PTPN2: variants seen among roughly 807,000 people sequenced by gnomAD.
PTPN2 encodes protein tyrosine phosphatase non-receptor type 2, also known as tyrosine-protein phosphatase non-receptor type 2.
In PTPN2, 19 loss-of-function variants were observed where a neutral mutation model predicts 57.3. The ratio of observed to expected loss-of-function variants is 0.33; its 90% CI spans 0.23 to 0.49. PTPN2 has a LOEUF of 0.49. PTPN2 is among the 20% of genes least tolerant of loss of function. The pLI is 0.99. For missense variants in PTPN2, 358 were observed against 501.1 expected, an observed-to-expected ratio of 0.71 and a Z score of 2.73; for synonymous variants, 153 against 164.9, an observed-to-expected ratio of 0.93 and a Z score of 0.55.
At position 12,793,663 on chromosome 18, in the gene PTPN2, G is replaced by A. The variant is rs1251632219; in HGVS notation, c.*615C>T. 1.0e-6 allele frequency: 1 copy of A among 983,744 alleles called. No homozygotes were observed. The highest frequency in any genetic ancestry group is 1.2e-6 in the Non-Finnish European group (1 of 828,222). 60.9% of individuals were successfully genotyped at this position (983,744 alleles called of 1,614,324 possible). A position where few individuals can be genotyped will look rare whatever the true frequency, so the allele number is the denominator to read the frequency against. On this transcript the variant is annotated 3_prime_UTR_variant, in exon 9 of 9. Coordinates refer to ENST00000309660, the MANE Select transcript of PTPN2 (RefSeq NM_002828.4). ...ATATCAAACTTCTCTTTAGAAAAAT[G>A]GAAAATGTATCCAGTACAATTCAAT...
intron 8 of PTPN2, among the ~76,000 whole-genome samples, chr18:12,794,711 TC>T (rs1405388726): frequency 2.0e-5 from 3 of 152,158 alleles, no homozygotes; most frequent in Non-Finnish European, 4.4e-5. Flanking sequence ...AACCTCTGCC[TC>T]CCACGCTCAA....
At chr18:12,838,194 T>C (rs188693136) in intron 2 of PTPN2, among the ~76,000 whole-genome samples, 1 of 152,314 alleles carries the variant, frequency 6.6e-6, no homozygotes, top group Non-Finnish European at 1.5e-5. Flanking sequence ...AGGAATGTAT[T>C]TCCTCATGTT....
intron 2 of PTPN2, among the ~76,000 whole-genome samples, chr18:12,851,676 C>T (rs1258817864): frequency 1.3e-5 from 2 of 152,176 alleles, no homozygotes; most frequent in South Asian, 2.1e-4. Context: ...ATACTGACAT[C>T]TGCATTCAAA....
intron 3 of PTPN2, among the ~76,000 whole-genome samples, 172 bp from the exon 4 acceptor site, chr18:12,831,213 A>G (rs888987687): frequency 1.3e-5 from 2 of 152,236 alleles, no homozygotes; most frequent in Non-Finnish European, 2.9e-5. Flanking sequence ...GGTCTGTGTT[A>G]GTTAGGATTT....
In PTPN2 at chr18:12,842,841, TTATATGA is replaced by T. The variant is rs550462965; in HGVS notation, c.161-5957_161-5951del. Among the ~76,000 whole-genome samples, 416 of 152,294 alleles carry T rather than the reference TTATATGA, an allele frequency of 2.7e-3. 3 individuals carry two copies. Among genetic ancestry groups the T allele is most frequent in the Non-Finnish European group, 1.9e-3 (126 of 68,016 alleles). On this transcript the variant is annotated intron_variant, in intron 2 of 8. Transcript: ENST00000309660. The stretch of plus-strand genomic sequence containing the variant: ...AAGTCAGCAAGTATTCAAACATTGT[TTATATGA>T]TGAATTCCAGAAGATTTTCACATAT...
chr18:12,809,243 G>A (rs1032827761), intron 7 of PTPN2, among the ~76,000 whole-genome samples: 1 of 152,150 alleles, frequency 6.6e-6, no homozygotes, highest in East Asian at 1.9e-4. Context: ...TCTACCCTGG[G>A]AGACAGTTGT....
At chr18:12,870,479 A>AGG (rs1378356711) in intron 1 of PTPN2, among the ~76,000 whole-genome samples, 1 of 101,296 alleles carries the variant, frequency 9.9e-6, no homozygotes, top group African/African-American at 4.4e-5. Context: ...AGAGAGAGAG[A>AGG]GAGAGAGAGA....
intron 5 of PTPN2, among the ~76,000 whole-genome samples, chr18:12,822,900 T>A (rs1392655612): frequency 6.6e-6 from 1 of 152,188 alleles, no homozygotes; most frequent in African/African-American, 2.4e-5. Context: ...ACTCACTTGA[T>A]CCTTAGAGCA....
At chr18:12,801,334 G>A (rs976182885) in intron 8 of PTPN2, among the ~76,000 whole-genome samples, 9 of 151,978 alleles carry the variant, frequency 5.9e-5, no homozygotes, top group Non-Finnish European at 1.0e-4. Context: ...TTAACATGGT[G>A]AAACCCTCTC....
chr18:12,840,308 T>C (rs942874078), intron 2 of PTPN2, among the ~76,000 whole-genome samples: 15 of 152,248 alleles, frequency 9.9e-5, no homozygotes, highest in Admixed American at 2.0e-4. Context: ...ACAAATATTA[T>C]GCATTCTCTC....
downstream of PTPN2, among the ~76,000 whole-genome samples, chr18:12,789,860 A>ATGTGTG (rs1555655091): frequency 1.3e-4 from 14 of 105,604 alleles, no homozygotes; most frequent in African/African-American, 1.6e-4. Flanking sequence ...ATCTCTCTGT[A>ATGTGTG]TGTGTGTGTG....
At chr18:12,789,431 G>C (rs2040924039), downstream of PTPN2, among the ~76,000 whole-genome samples, 1 of 152,158 alleles carries the variant, frequency 6.6e-6, no homozygotes, top group Non-Finnish European at 1.5e-5. Flanking sequence ...TAAAATTCTA[G>C]GCCTCTACCA....
At chr18:12,819,009 G>A (rs531735593) in intron 5 of PTPN2, 108 of 270,996 alleles carry the variant, frequency 4.0e-4, no homozygotes, top group Non-Finnish European at 6.3e-4. Context: ...TGGGAGAATC[G>A]CTTGAACCCG....
At chr18:12,877,393 T>C (rs1258784287) in intron 1 of PTPN2, among the ~76,000 whole-genome samples, 3 of 152,306 alleles carry the variant, frequency 2.0e-5, no homozygotes, top group South Asian at 4.1e-4. Flanking sequence ...CTTGAAGATG[T>C]TTCCCAAATA....
downstream of PTPN2, among the ~76,000 whole-genome samples, chr18:12,791,718 CCAA>C (rs2040986582): frequency 6.6e-6 from 1 of 152,114 alleles, no homozygotes; most frequent in South Asian, 2.1e-4. Flanking sequence ...TAGAAGTGTA[CCAA>C]CAAGTGTTCA....
chr18:12,863,814 A>C (rs2043900704), intron 1 of PTPN2: 1 of 152,216 alleles, frequency 6.6e-6, no homozygotes, highest in Non-Finnish European at 1.5e-5. Flanking sequence ...AGTATAATTT[A>C]ACCAAAAATT....
At chr18:12,846,797 T>C (rs1392394647) in intron 2 of PTPN2, among the ~76,000 whole-genome samples, 2 of 152,226 alleles carry the variant, frequency 1.3e-5, no homozygotes, top group African/African-American at 4.8e-5. Flanking sequence ...CCTATGTTCA[T>C]ATTTATCTGT....
intron 6 of PTPN2, 123 bp downstream of exon 6, chr18:12,817,032 AG>A (rs1420176725): frequency 7.6e-6 from 7 of 918,622 alleles, no homozygotes; most frequent in Admixed American, 2.7e-5. Context: ...TTTTTCCAAA[AG>A]TAGAAGTTTA....
Position 12,793,914 on chromosome 18 carries a change from A to G in PTPN2, c.*364T>C. On this transcript the variant is annotated 3_prime_UTR_variant, in exon 9 of 9. Coordinates refer to ENST00000309660, the MANE Select transcript of PTPN2 (RefSeq NM_002828.4). ...GATAAAACCACAATATTTATTGCTT[A>G]TATCAAGTGCAGGTTAAAATCCAGA... The G allele has an allele frequency of 1.8e-6, 2 of 1,099,556 alleles. No individual in the cohort carries two copies. Among genetic ancestry groups the G allele is most frequent in the Non-Finnish European group, 2.2e-6 (2 of 901,064 alleles). 68.1% of individuals were successfully genotyped at this position (1,099,556 alleles called of 1,614,324 possible).
Sources: allele counts gnomAD v4.1 joint callset (sites outside exome capture counted in the v4.1 genomes callset), GRCh38; gene constraint gnomAD v4.1.1; transcripts MANE v1.5; gene names NCBI Gene and HGNC (gene_info 2026-07-23, HGNC 2026-07-21).